The following GREB1L variants were observed in gnomAD, a reference collection of about 807,000 sequenced individuals.
GREB1L encodes GREB1-like protein.
Under a neutral mutation model 200.8 loss-of-function variants are expected in GREB1L, and 17 were observed. That is an observed-to-expected ratio of 0.08 (90% CI 0.06 to 0.13). The LOEUF (loss-of-function observed/expected upper bound fraction) is 0.13. GREB1L is among the 10% of genes least tolerant of loss of function. GREB1L has a pLI of 1.00. For synonymous variants in GREB1L, 789 were observed against 893.0 expected, an observed-to-expected ratio of 0.88 and a Z score of 2.08; for missense variants, 1,657 against 2,367.7, an observed-to-expected ratio of 0.70 and a Z score of 6.23.
chr18:21,470,960 A>G (rs910587297), intron 15 of GREB1L, among the ~76,000 whole-genome samples: 8 of 152,256 alleles, frequency 5.3e-5, no homozygotes, highest in African/African-American at 1.9e-4. Flanking sequence ...AAAAATGCCC[A>G]GCTGCAAATA....
At chr18:21,335,571 A>G (rs1031764732) in intron 1 of GREB1L, among the ~76,000 whole-genome samples, 1 of 152,172 alleles carries the variant, frequency 6.6e-6, no homozygotes, top group Non-Finnish European at 1.5e-5. Flanking sequence ...AGGCAAATTA[A>G]CTTAAGACTT....
intron 1 of GREB1L, among the ~76,000 whole-genome samples, chr18:21,303,863 T>C (rs1315310620): frequency 6.6e-6 from 1 of 152,244 alleles, no homozygotes; most frequent in African/African-American, 2.4e-5. Flanking sequence ...AAATGCTTTT[T>C]GTTTACTTCC....
chr18:21,272,433 A>T (rs2144299088), intron 1 of GREB1L, among the ~76,000 whole-genome samples: 1 of 152,322 alleles, frequency 6.6e-6, no homozygotes, highest in East Asian at 1.9e-4. Flanking sequence ...GTTGAGTGAA[A>T]TCTAGTTGTC....
chr18:21,508,838 C>G (rs1257417995), intron 27 of GREB1L: 2 of 520,300 alleles, frequency 3.8e-6, no homozygotes, highest in Non-Finnish European at 6.9e-6. Flanking sequence ...CACTGGTGTA[C>G]TGAGCACCCT....
chr18:21,254,101 G>A (rs1329547991), intron 1 of GREB1L, among the ~76,000 whole-genome samples: 6 of 112,888 alleles, frequency 5.3e-5, no homozygotes, highest in African/African-American at 2.2e-4. Context: ...AGAGAGTCTC[G>A]CTCTGTCTCC....
chr18:21,254,059 A>ATTT (rs1289359713), intron 1 of GREB1L, among the ~76,000 whole-genome samples: 10 of 114,088 alleles, frequency 8.8e-5, no homozygotes, highest in African/African-American at 3.6e-4. Flanking sequence ...GCTTTCAGGC[A>ATTT]TATTTTTTTT....
intron 11 of GREB1L, among the ~76,000 whole-genome samples, chr18:21,446,594 G>A (rs1051455651): frequency 1.3e-5 from 2 of 149,922 alleles, no homozygotes; most frequent in African/African-American, 5.1e-5. Context: ...TAAAACCTAA[G>A]CTTTGTACAT....
At chr18:21,364,111 C>T (rs2039621853) in intron 1 of GREB1L, among the ~76,000 whole-genome samples, 1 of 151,796 alleles carries the variant, frequency 6.6e-6, no homozygotes, top group African/African-American at 2.4e-5. Flanking sequence ...AGTGAGCAAG[C>T]ATAGACATTA....
At chr18:21,300,139 C>T (rs1015750035) in intron 1 of GREB1L, among the ~76,000 whole-genome samples, 1 of 152,086 alleles carries the variant, frequency 6.6e-6, no homozygotes, top group Admixed American at 6.5e-5. Context: ...TTTCTGCCTA[C>T]GGAGGTCATA....
intron 1 of GREB1L, among the ~76,000 whole-genome samples, chr18:21,298,671 T>C (rs2038568389): frequency 6.6e-6 from 1 of 152,178 alleles, no homozygotes; most frequent in African/African-American, 2.4e-5. Flanking sequence ...TTCAAGTTTG[T>C]AATATTTCCA....
At position 21,422,993 on chromosome 18, in the gene GREB1L, C is replaced by T. The variant is rs542440792; in HGVS notation, c.833-16528C>T. Among the ~76,000 whole-genome samples, 6 of 152,148 alleles carry T rather than the reference C, an allele frequency of 3.9e-5. No individual in the cohort carries two copies. In the South Asian group the frequency reaches 8.3e-4, roughly 21 times the overall value. ...TTGCCTAAGCTGGAGTATAGTGGCG[C>T]GATCTCGGCTCACTGCAACCTCCAC... On this transcript the variant is annotated intron_variant, in intron 7 of 32. Transcript: ENST00000424526.
intron 17 of GREB1L, among the ~76,000 whole-genome samples, chr18:21,478,861 A>G (rs2035810393): frequency 6.6e-6 from 1 of 152,176 alleles, no homozygotes; most frequent in Non-Finnish European, 1.5e-5. Context: ...AAGAGAATGA[A>G]TGGAAAGAAT....
At position 21,518,224 on chromosome 18, in the gene GREB1L, T is replaced by C. The variant is rs2037490502; in HGVS notation, c.5462T>C (p.Ile1821Thr). The C allele has an allele frequency of 6.4e-7, 1 of 1,551,634 alleles. No individual in the cohort carries two copies. The highest frequency in any genetic ancestry group is 8.7e-7 in the Non-Finnish European group (1 of 1,146,944). Residue 1821 changes from isoleucine to threonine, a missense_variant, in exon 31 of 33, where the codon ATT becomes ACT. Physicochemically the swap from Ile to Thr is moderately conservative, Grantham distance 89. Around this residue, in one of 9 missense-constraint regions of GREB1L, gnomAD observed 190 missense variants for 230.2 expected, o/e 0.83. Coordinates refer to ENST00000424526, the MANE Select transcript of GREB1L (RefSeq NM_001142966.3). ...CTGGCCATTGACTGCTACCTTAACA[T>C]TGGACCAGAGGTAAAAAGGGTGTGG... Reference protein sequence around the residue: ...PVLAIDCYLNIGPEVAICYIS... With the variant: ...PVLAIDCYLNTGPEVAICYIS...
intron 2 of GREB1L, 44 bp downstream of exon 2, chr18:21,366,180 A>G (rs951955524): frequency 6.6e-6 from 1 of 152,114 alleles, no homozygotes; most frequent in African/African-American, 2.4e-5. Context: ...TTTCAAGATC[A>G]AATTTGTTTT....
intron 1 of GREB1L, among the ~76,000 whole-genome samples, chr18:21,246,801 T>G (rs1247107591): frequency 6.6e-6 from 1 of 152,236 alleles, no homozygotes; most frequent in Non-Finnish European, 1.5e-5. Context: ...GCAATCTTCC[T>G]TGAAGAGCTG....
intron 11 of GREB1L, among the ~76,000 whole-genome samples, chr18:21,449,239 T>C (rs1267394467): frequency 6.6e-6 from 1 of 152,202 alleles, no homozygotes; most frequent in African/African-American, 2.4e-5. Context: ...ATTAATGGTT[T>C]CTCTTGGTAC....
chr18:21,316,832 C>T (rs939480320), intron 1 of GREB1L: 2 of 138,526 alleles, frequency 1.4e-5, no homozygotes, highest in African/African-American at 5.5e-5. Flanking sequence ...ATGATCTTGG[C>T]TCACTGCAAC....
chr18:21,492,575 T>G (rs1464404613), intron 19 of GREB1L, among the ~76,000 whole-genome samples: 1 of 152,050 alleles, frequency 6.6e-6, no homozygotes, highest in Non-Finnish European at 1.5e-5. Flanking sequence ...CCTAAATAAT[T>G]TACCCCTCTG....
intron 1 of GREB1L, among the ~76,000 whole-genome samples, chr18:21,299,864 T>C (rs2038590545): frequency 6.6e-6 from 1 of 152,170 alleles, no homozygotes. Context: ...GGGGAAAATA[T>C]TTTAATTGTA....
Sources: allele counts gnomAD v4.1 joint callset (sites outside exome capture counted in the v4.1 genomes callset), GRCh38; gene constraint gnomAD v4.1.1; regional missense constraint gnomAD v4.1.1; transcripts MANE v1.5; gene names NCBI Gene and HGNC (gene_info 2026-07-23, HGNC 2026-07-21).